GLT1D1: variants seen among roughly 807,000 people sequenced by gnomAD.
The protein encoded by GLT1D1 is glycosyltransferase 1 domain-containing protein 1.
GLT1D1 carries 21 observed loss-of-function variants against 28.7 expected under a neutral mutation model. That is an observed-to-expected ratio of 0.73 (90% CI 0.52 to 1.05). GLT1D1 has a LOEUF of 1.05. GLT1D1 is among the 50% of genes least tolerant of loss of function. The probability of loss-of-function intolerance (pLI) is 0.00; values close to 1 mark genes in which losing one functional copy is unlikely to be tolerated. For missense variants in GLT1D1, 343 were observed against 330.6 expected (o/e 1.04, Z -0.29); for synonymous variants, 147 against 124.8 (o/e 1.18, Z -1.19).
chr12:128,940,228 T>C (rs1566154261), intron 4 of GLT1D1, among the ~76,000 whole-genome samples: 1 of 152,168 alleles, frequency 6.6e-6, no homozygotes, highest in Non-Finnish European at 1.5e-5. Context: ...TTGACTTTTT[T>C]CTTCTGCAAC....
intron 2 of GLT1D1, among the ~76,000 whole-genome samples, chr12:128,877,312 A>G (rs1956891057): frequency 6.6e-6 from 1 of 152,240 alleles, no homozygotes; most frequent in African/African-American, 2.4e-5. Context: ...TGGAGGATCA[A>G]AATTTGCTCT....
At chr12:128,854,075 C>T (rs1164591120) in intron 1 of GLT1D1, among the ~76,000 whole-genome samples, 1 of 152,162 alleles carries the variant, frequency 6.6e-6, no homozygotes, top group African/African-American at 2.4e-5. Flanking sequence ...GATCGGGTCT[C>T]GGCTGTGTGC....
intron 4 of GLT1D1, among the ~76,000 whole-genome samples, chr12:128,918,497 A>C (rs1872329921): frequency 6.6e-6 from 1 of 152,190 alleles, no homozygotes; most frequent in Non-Finnish European, 1.5e-5. Flanking sequence ...AAATGAAACA[A>C]AAAAGACTTG....
At position 128,936,005 on chromosome 12, in the gene GLT1D1, C is replaced by T. The variant is rs546194175; in HGVS notation, c.376-9321C>T. On this transcript the variant is annotated intron_variant, in intron 4 of 7. Transcript: ENST00000281703. Reference sequence around the variant, plus strand: ...GTGCGCAGGACTTAACTGCTCTGTCCCTCAGTTTCCCCATCTATAAAATGG... The same window carrying T: ...GTGCGCAGGACTTAACTGCTCTGTCTCTCAGTTTCCCCATCTATAAAATGG... Among the ~76,000 whole-genome samples the T allele has an allele frequency of 2.6e-5, 4 of 152,160 alleles. No homozygotes were observed. In the South Asian group the frequency reaches 8.3e-4, roughly 32 times the overall value.
chr12:128,971,157 A>C (rs971739811), intron 7 of GLT1D1, among the ~76,000 whole-genome samples: 52 of 152,294 alleles, frequency 3.4e-4, no homozygotes, highest in Middle Eastern at 6.8e-3. Flanking sequence ...GTAGTCTCTG[A>C]CAGTTTCATG....
chr12:128,957,929 A>C (rs867303306), intron 7 of GLT1D1, among the ~76,000 whole-genome samples: 2 of 152,230 alleles, frequency 1.3e-5, no homozygotes, highest in Non-Finnish European at 2.9e-5. Context: ...TGATTTCTGA[A>C]ACGTGCACTC....
At chr12:128,879,502 C>G (rs994034455) in intron 2 of GLT1D1, among the ~76,000 whole-genome samples, 2 of 146,352 alleles carry the variant, frequency 1.4e-5, no homozygotes, top group African/African-American at 5.3e-5. Flanking sequence ...GTGGCCCAGG[C>G]TGGAGTGCAG....
intron 3 of GLT1D1, 126 bp downstream of exon 3, chr12:128,888,870 A>G: frequency 1.6e-6 from 1 of 611,050 alleles, no homozygotes; most frequent in South Asian, 2.1e-5. Context: ...AACCAATTTC[A>G]TGTAACCTTT....
At chr12:128,885,365 G>A (rs575752731) in intron 2 of GLT1D1, among the ~76,000 whole-genome samples, 1 of 152,068 alleles carries the variant, frequency 6.6e-6, no homozygotes, top group Admixed American at 6.6e-5. Context: ...TGGGATTAAA[G>A]GCATGTGCTA....
intron 7 of GLT1D1, among the ~76,000 whole-genome samples, chr12:128,978,442 G>A (rs1026759974): frequency 1.3e-5 from 2 of 152,154 alleles, no homozygotes; most frequent in South Asian, 2.1e-4. Flanking sequence ...GTGCGGCATC[G>A]TCCTGAGGTC....
intron 7 of GLT1D1, among the ~76,000 whole-genome samples, chr12:128,961,357 C>T (rs1186782478): frequency 6.6e-6 from 1 of 152,196 alleles, no homozygotes; most frequent in African/African-American, 2.4e-5. Flanking sequence ...TATGGACCTG[C>T]ACCCCCATGT....
Position 128,967,767 on chromosome 12 carries a change from C to T in GLT1D1, c.639+10124C>T, listed in dbSNP as rs527874433. On this transcript the variant is annotated intron_variant, in intron 7 of 7. Transcript: ENST00000281703. ...CAACATTATGTAACATATTACTTCT[C>T]TCTTATGTTTTAAAAGTGTTTTAAC... 2.6e-5 allele frequency among the ~76,000 whole-genome samples: 4 copies of T among 152,326 alleles called. No individual in the cohort carries two copies. In the East Asian group the frequency reaches 7.7e-4, roughly 29 times the overall value.
chr12:128,866,892 ATTAC>A (rs1956542584), intron 1 of GLT1D1, among the ~76,000 whole-genome samples: 1 of 149,432 alleles, frequency 6.7e-6, no homozygotes, highest in South Asian at 2.3e-4. Context: ...AAGTGCTGGG[ATTAC>A]AGGCATGAGC....
chr12:128,912,496 G>T, intron 4 of GLT1D1, 36 bp downstream of exon 5: 1 of 1,174,052 alleles, frequency 8.5e-7, no homozygotes, highest in Non-Finnish European at 1.2e-6. Flanking sequence ...CTTATGTACA[G>T]GGATAGAGAA....
chr12:128,983,250 C>T lies in GLT1D1; in HGVS notation c.*160C>T. 1.6e-6 allele frequency: 1 copy of T among 630,404 alleles called. No homozygotes were observed. Among genetic ancestry groups the T allele is most frequent in the Non-Finnish European group, 2.8e-6 (1 of 362,486 alleles). 39.1% of individuals were successfully genotyped at this position (630,404 alleles called of 1,614,324 possible). ...CGTGAGTCCCCAGAGCCACTGCATT[C>T]ATCCCATATCCTTCTGTGCGTTCAG... On this transcript the variant is annotated 3_prime_UTR_variant, in exon 8 of 8. Coordinates refer to ENST00000281703, the MANE Select transcript of GLT1D1 (RefSeq NM_144669.3). This position sits in a 1 kb window ranked among gnomAD's most constrained non-coding sequence, Gnocchi z 4.7.
intron 1 of GLT1D1, among the ~76,000 whole-genome samples, chr12:128,870,648 T>C (rs987547521): frequency 6.6e-6 from 1 of 152,212 alleles, no homozygotes; most frequent in African/African-American, 2.4e-5. Flanking sequence ...GACAAATTTA[T>C]TTAGAATATT....
chr12:128,980,316 C>G (rs1880200151), intron 7 of GLT1D1, among the ~76,000 whole-genome samples: 1 of 152,180 alleles, frequency 6.6e-6, no homozygotes, highest in Non-Finnish European at 1.5e-5. Context: ...GGGTCTTCTT[C>G]CCAGACCATG....
intron 1 of GLT1D1, among the ~76,000 whole-genome samples, chr12:128,856,653 A>G (rs1365759541): frequency 6.6e-6 from 1 of 152,168 alleles, no homozygotes; most frequent in Non-Finnish European, 1.5e-5. Context: ...ACTGGACTAT[A>G]GAGAGTTTGG....
At chr12:128,917,902 A>G (rs994989599) in intron 4 of GLT1D1, among the ~76,000 whole-genome samples, 3 of 152,190 alleles carry the variant, frequency 2.0e-5, no homozygotes, top group African/African-American at 7.2e-5. Context: ...ACCGTTTTGG[A>G]AGACAGTGTG....
Sources: allele counts gnomAD v4.1 joint callset (sites outside exome capture counted in the v4.1 genomes callset), GRCh38; gene constraint gnomAD v4.1.1; non-coding constraint Gnocchi (gnomAD v3.1); transcripts MANE v1.5; gene names NCBI Gene and HGNC (gene_info 2026-07-23, HGNC 2026-07-21).